COL4A1: variants seen among roughly 807,000 people sequenced by gnomAD.
The protein encoded by COL4A1 is collagen type IV alpha 1 chain, also known as collagen alpha-1(IV) chain.
COL4A1 carries 40 observed loss-of-function variants against 216.6 expected under a neutral mutation model. That is an observed-to-expected ratio of 0.18 (90% CI 0.14 to 0.24). The LOEUF (loss-of-function observed/expected upper bound fraction) is 0.24. Ranked by LOEUF, COL4A1 falls within the 10% of genes least tolerant of loss-of-function variation. The pLI is 1.00. For missense variants in COL4A1, 1,628 were observed against 2,196.8 expected (o/e 0.74, Z 5.18); for synonymous variants, 839 against 810.7 (o/e 1.03, Z -0.59).
intron 2 of COL4A1, among the ~76,000 whole-genome samples, chr13:110,241,330 G>A (rs2139244162): frequency 6.6e-6 from 1 of 152,316 alleles, no homozygotes; most frequent in African/African-American, 2.4e-5. Flanking sequence ...GGCCAACTTG[G>A]CTCCAGCCCT....
intron 43 of COL4A1, among the ~76,000 whole-genome samples, chr13:110,168,270 C>T (rs1387159189): frequency 6.6e-6 from 1 of 152,192 alleles, no homozygotes; most frequent in Non-Finnish European, 1.5e-5. Context: ...CCACCTCGGC[C>T]TCCCAAAGTG....
chr13:110,238,489 G>C (rs929685929), intron 2 of COL4A1, among the ~76,000 whole-genome samples: 1 of 152,222 alleles, frequency 6.6e-6, no homozygotes, highest in African/African-American at 2.4e-5. Flanking sequence ...AAATTAGTGA[G>C]GACATGAGAG....
intron 45 of COL4A1, among the ~76,000 whole-genome samples, chr13:110,165,383 T>C (rs201771687): frequency 1.3e-5 from 2 of 152,286 alleles, no homozygotes; most frequent in East Asian, 3.9e-4. Flanking sequence ...CACACTCATC[T>C]GAAACCTGCC....
chr13:110,172,433 G>C (rs1877689034), intron 41 of COL4A1, among the ~76,000 whole-genome samples: 1 of 152,198 alleles, frequency 6.6e-6, no homozygotes, highest in Non-Finnish European at 1.5e-5. Context: ...TGACCTTCTA[G>C]GCATAAAAAT....
At chr13:110,280,113 C>A (rs1040716623) in intron 1 of COL4A1, among the ~76,000 whole-genome samples, 8 of 152,160 alleles carry the variant, frequency 5.3e-5, no homozygotes, top group African/African-American at 1.7e-4. Context: ...AAATCCATTA[C>A]CAAATGATGA....
chr13:110,300,208 C>T (rs1322329626), intron 1 of COL4A1, among the ~76,000 whole-genome samples: 1 of 152,224 alleles, frequency 6.6e-6, no homozygotes, highest in East Asian at 1.9e-4. Context: ...AAACAGAGAA[C>T]AAATACTGAC....
intron 1 of COL4A1, among the ~76,000 whole-genome samples, chr13:110,278,995 G>A (rs1038023799): frequency 1.3e-5 from 2 of 152,052 alleles, no homozygotes; most frequent in African/African-American, 2.4e-5. Flanking sequence ...CATCTCATCT[G>A]CCCACTGTCA....
At chr13:110,201,549 TC>T in intron 18 of COL4A1, 27 bp from the exon 19 acceptor site, 1 of 1,593,978 alleles carries the variant, frequency 6.3e-7, no homozygotes. Flanking sequence ...AAGGTGATCA[TC>T]CCGTGGCATG....
At chr13:110,188,355 G>C (rs1156902862) in intron 24 of COL4A1, among the ~76,000 whole-genome samples, 1 of 152,188 alleles carries the variant, frequency 6.6e-6, no homozygotes, top group Non-Finnish European at 1.5e-5. Flanking sequence ...CTTCTCAAAG[G>C]AAGAAGTTGG....
chr13:110,304,229 G>C (rs1304013438), intron 1 of COL4A1, among the ~76,000 whole-genome samples: 1 of 152,088 alleles, frequency 6.6e-6, no homozygotes, highest in Non-Finnish European at 1.5e-5. Context: ...GCTCTTGTTG[G>C]GACTGATTCA....
chr13:110,178,212 T>C lies in COL4A1; in HGVS notation c.2478A>G (p.Gly826=). The C allele has an allele frequency of 2.5e-6, 4 of 1,614,030 alleles. No individual in the cohort carries two copies. The highest frequency in any genetic ancestry group is 3.4e-6 in the Non-Finnish European group (4 of 1,180,038). The change falls in exon 32 of 52, where the codon GGA becomes GGG. Residue 826 remains glycine (G), a synonymous_variant. Transcript: ENST00000375820. ...PGLSGPPGIK[G]EKGFPGFPGL... is the part of the protein sequence containing the mutation. ...CAGGGAATCCGGGGAAACCCTTCTC[T>C]CCTTTTATTCCAGGAGGGCCTGCAG... is the stretch of plus-strand genomic sequence containing the variant.
At chr13:110,182,160 G>A (rs141880346) in intron 28 of COL4A1, among the ~76,000 whole-genome samples, 9 of 152,312 alleles carry the variant, frequency 5.9e-5, no homozygotes, top group Non-Finnish European at 1.0e-4. Context: ...TGGCCCTCCT[G>A]AACAGGGATG....
At chr13:110,204,688 C>T (rs1434399495) in intron 17 of COL4A1, among the ~76,000 whole-genome samples, 5 of 148,020 alleles carry the variant, frequency 3.4e-5, no homozygotes, top group Non-Finnish European at 7.4e-5. Context: ...CTAAAAGGGC[C>T]CTGGTCTGGC....
At chr13:110,188,989 AAAT>A (rs1394924754) in intron 24 of COL4A1, among the ~76,000 whole-genome samples, 1 of 141,818 alleles carries the variant, frequency 7.1e-6, no homozygotes, top group African/African-American at 2.5e-5. Context: ...AAGTTAAATT[AAAT>A]AACACAAAAA....
At chr13:110,293,302 C>T (rs1265496961) in intron 1 of COL4A1, among the ~76,000 whole-genome samples, 1 of 152,224 alleles carries the variant, frequency 6.6e-6, no homozygotes, top group Non-Finnish European at 1.5e-5. Context: ...TGGCATTGCT[C>T]TGACCCAGGG....
intron 21 of COL4A1, among the ~76,000 whole-genome samples, chr13:110,196,732 T>C (rs1878909550): frequency 6.6e-6 from 1 of 152,212 alleles, no homozygotes. Context: ...TCATCAAGGG[T>C]ATCTGCAGCC....
intron 1 of COL4A1, among the ~76,000 whole-genome samples, chr13:110,283,933 C>G (rs1280179732): frequency 6.6e-6 from 1 of 152,200 alleles, no homozygotes; most frequent in South Asian, 2.1e-4. Flanking sequence ...CCCTCCAGCC[C>G]AAGGAACAGC....
chr13:110,221,000 C>T (rs994556520), intron 2 of COL4A1, among the ~76,000 whole-genome samples: 2 of 152,222 alleles, frequency 1.3e-5, no homozygotes, highest in African/African-American at 4.8e-5. Flanking sequence ...AGCCTGCCTG[C>T]AGCTATAGCA....
At chr13:110,295,236 C>T (rs1413043249) in intron 1 of COL4A1, among the ~76,000 whole-genome samples, 1 of 151,004 alleles carries the variant, frequency 6.6e-6, no homozygotes. Context: ...TAGGCTCTCA[C>T]ACTACATGGT....
Sources: gnomAD v4.1 joint callset for allele counts (sites outside exome capture counted in the v4.1 genomes callset) on GRCh38, gnomAD v4.1.1 for gene constraint, MANE v1.5 for transcripts, NCBI Gene and HGNC (gene_info 2026-07-23, HGNC 2026-07-21) for gene names.